Variants in NLRP11 observed in about 807,000 individuals in gnomAD.
NLRP11 encodes NACHT, LRR and PYD domains-containing protein 11.
In NLRP11, 53 loss-of-function variants were observed where a neutral mutation model predicts 79.3. That is an observed-to-expected ratio of 0.67 (90% CI 0.54 to 0.84). The LOEUF (loss-of-function observed/expected upper bound fraction) is 0.84, where lower values mean the gene tolerates loss of function less well. Ranked by LOEUF, NLRP11 falls within the 40% of genes least tolerant of loss-of-function variation. The pLI is 0.00. For synonymous variants in NLRP11, 518 were observed against 462.6 expected, an observed-to-expected ratio of 1.12 and a Z score of -1.54; for missense variants, 1,264 against 1,255.0, an observed-to-expected ratio of 1.01 and a Z score of -0.11.
chr19:55,815,897 A>T (rs1377110974), intron 2 of NLRP11, among the ~76,000 whole-genome samples: 1 of 152,106 alleles, frequency 6.6e-6, no homozygotes, highest in Non-Finnish European at 1.5e-5. Flanking sequence ...AAGAAGCCTA[A>T]ACAAAAAGAT....
chr19:55,796,834 A>AC, intron 5 of NLRP11, among the ~76,000 whole-genome samples: 1 of 152,102 alleles, frequency 6.6e-6, no homozygotes, highest in South Asian at 2.1e-4. Context: ...GATTACAGGC[A>AC]TGCGTTACCA....
chr19:55,790,622 A>C (rs2122714280), intron 7 of NLRP11, among the ~76,000 whole-genome samples: 1 of 152,318 alleles, frequency 6.6e-6, no homozygotes, highest in South Asian at 2.1e-4. Context: ...TGTATATTAA[A>C]TACTGAATAA....
chr19:55,832,668 CA>C (rs1254304217), upstream of NLRP11, among the ~76,000 whole-genome samples: 1 of 152,034 alleles, frequency 6.6e-6, no homozygotes, highest in Non-Finnish European at 1.5e-5. Flanking sequence ...TTCATAGGTG[CA>C]AAAGGGGAAA....
intron 3 of NLRP11, among the ~76,000 whole-genome samples, chr19:55,808,538 G>C (rs978290787): frequency 2.6e-5 from 4 of 152,166 alleles, no homozygotes; most frequent in Non-Finnish European, 5.9e-5. Context: ...GTGCAAGATA[G>C]ACCCCCACCA....
At chr19:55,785,514 C>CAA in exon 10 of NLRP11, 13 of 908,426 alleles carry the variant, frequency 1.4e-5, no homozygotes, top group Non-Finnish European at 1.9e-5. Flanking sequence ...CACACACACA[C>CAA]ACACACACAC....
exon 7 of NLRP11, chr19:55,792,386 G>A: frequency 6.2e-7 from 1 of 1,614,038 alleles, no homozygotes; most frequent in Non-Finnish European, 8.5e-7. Context: ...TTCACACACA[G>A]GTCTAGTTGT....
chr19:55,823,755 G>C (rs1982044171), intron 1 of NLRP11, among the ~76,000 whole-genome samples: 1 of 150,204 alleles, frequency 6.7e-6, no homozygotes, highest in South Asian at 2.1e-4. Flanking sequence ...AAGAAATATG[G>C]GACTATGTGA....
rs746437807 is a variant in NLRP11, at chr19:55,789,459, A to C, written c.2514-60T>G. On this transcript the variant is annotated intron_variant, in intron 7 of 9. Transcript: ENST00000589093. ...ACCTGTCTCCAAAGATTTATTTCAC[A>C]GAGTGTTAAGCATTCTTGGACCCGT... The C allele has an allele frequency of 7.6e-5, 113 of 1,481,154 alleles. No individual in the cohort carries two copies. In the Middle Eastern group the frequency reaches 1.4e-3, roughly 19 times the overall value. The allele number at this position is 1,481,154 out of a possible 1,614,324, so 91.8% of individuals were successfully genotyped here. A position where few individuals can be genotyped will look rare whatever the true frequency, so the allele number is the denominator to read the frequency against.
intron 9 of NLRP11, among the ~76,000 whole-genome samples, chr19:55,786,989 G>A (rs1001742645): frequency 1.9e-4 from 29 of 152,192 alleles, no homozygotes; most frequent in Non-Finnish European, 2.5e-4. Context: ...AGGGTCTCCA[G>A]CATAGAGTCT....
At chr19:55,801,829 C>T in intron 4 of NLRP11, 90 bp from the exon 5 acceptor site, 2 of 1,051,704 alleles carry the variant, frequency 1.9e-6, no homozygotes, top group Non-Finnish European at 2.9e-6. Context: ...CATCCTGTAA[C>T]AAAGATTCTC....
chr19:55,827,241 T>G (rs1376394559), intron 1 of NLRP11, among the ~76,000 whole-genome samples: 2 of 141,342 alleles, frequency 1.4e-5, no homozygotes, highest in Non-Finnish European at 3.0e-5. Flanking sequence ...GATCCCTTCC[T>G]TACACCTTAT....
chr19:55,787,864 C>T (rs1989980171), intron 9 of NLRP11, among the ~76,000 whole-genome samples: 1 of 152,174 alleles, frequency 6.6e-6, no homozygotes, highest in Non-Finnish European at 1.5e-5. Context: ...AGCCCAACAG[C>T]ACTACAGGAA....
In NLRP11 at chr19:55,808,206, T is replaced by C. The variant is rs149258264; in HGVS notation, c.1842-192A>G. ...TCCATTAAAGTAGCTGGTGATTCCA[T>C]ATTCTGATAAGACACATCTGAGTGC... On this transcript the variant is annotated intron_variant, in intron 3 of 9. Transcript: ENST00000589093. Among the ~76,000 whole-genome samples, 86 of 152,364 alleles carry C rather than the reference T, an allele frequency of 5.6e-4. 1 individual carries two copies. Among genetic ancestry groups the C allele is most frequent in the African/African-American group, 1.8e-3 (73 of 41,592 alleles).
At chr19:55,792,507 A>G (rs1305467624) in intron 6 of NLRP11, 36 bp from the exon 7 acceptor site, 3 of 1,589,840 alleles carry the variant, frequency 1.9e-6, no homozygotes, top group East Asian at 2.2e-5. Flanking sequence ...TGACAGTGTG[A>G]GCACCAGAGA....
intron 9 of NLRP11, among the ~76,000 whole-genome samples, chr19:55,787,780 A>G (rs73933372): frequency 0.063 from 9,567 of 152,254 alleles, 902 homozygotes; most frequent in African/African-American, 0.21. Flanking sequence ...GTTGGAGAGC[A>G]AGTCTTTTCA....
At chr19:55,818,373 C>A (rs1568641215) in intron 1 of NLRP11, 137 bp from the exon 2 acceptor site, 6 of 567,302 alleles carry the variant, frequency 1.1e-5, no homozygotes, top group Non-Finnish European at 1.2e-5. Context: ...TGAACTCTTT[C>A]TGTCTGGGTC....
At chr19:55,796,838 G>A (rs1003956950) in intron 5 of NLRP11, among the ~76,000 whole-genome samples, 8 of 152,066 alleles carry the variant, frequency 5.3e-5, no homozygotes, top group African/African-American at 1.4e-4. Context: ...ACAGGCATGC[G>A]TTACCACACC....
chr19:55,829,910 C>T (rs1403019586), intron 1 of NLRP11, among the ~76,000 whole-genome samples: 1 of 152,142 alleles, frequency 6.6e-6, no homozygotes, highest in Non-Finnish European at 1.5e-5. Context: ...GCCTTATCAA[C>T]AGTCAATTAA....
intron 1 of NLRP11, among the ~76,000 whole-genome samples, chr19:55,826,977 A>G (rs1420701854): frequency 2.1e-5 from 3 of 143,214 alleles, no homozygotes; most frequent in Admixed American, 1.4e-4. Flanking sequence ...AGCCAAAAGA[A>G]CAAAGCTGGA....
Sources: gnomAD v4.1 joint callset for allele counts (sites outside exome capture counted in the v4.1 genomes callset) on GRCh38, gnomAD v4.1.1 for gene constraint, MANE v1.5 for transcripts, NCBI Gene and HGNC (gene_info 2026-07-23, HGNC 2026-07-21) for gene names.